Variants in EXOC6 observed in about 807,000 individuals in gnomAD.
The protein encoded by EXOC6 is SEC15-like 1.
Under a neutral mutation model 112.5 loss-of-function variants are expected in EXOC6, and 60 were observed. That is an observed-to-expected ratio of 0.53 (90% CI 0.43 to 0.66). EXOC6 has a LOEUF of 0.66. EXOC6 is among the 30% of genes least tolerant of loss of function. EXOC6 has a pLI of 0.00. For missense variants in EXOC6, 855 were observed against 957.1 expected (o/e 0.89, Z 1.41); for synonymous variants, 295 against 308.0 (o/e 0.96, Z 0.44).
chr10:92,898,795 A>G (rs979850273), intron 4 of EXOC6, among the ~76,000 whole-genome samples: 6 of 152,100 alleles, frequency 3.9e-5, no homozygotes, highest in African/African-American at 1.4e-4. Flanking sequence ...GTTTTTTGTA[A>G]ACTTGGAGAC....
intron 20 of EXOC6, among the ~76,000 whole-genome samples, chr10:93,040,165 C>G (rs904316028): frequency 6.6e-6 from 1 of 152,214 alleles, no homozygotes; most frequent in Admixed American, 6.5e-5. Context: ...TAATGAGGCT[C>G]TCATCTTCCT....
At chr10:93,015,042 C>CAGGAGTGCTAGAATAGACAGT (rs1844437446) in intron 20 of EXOC6, among the ~76,000 whole-genome samples, 1 of 151,956 alleles carries the variant, frequency 6.6e-6, no homozygotes, top group African/African-American at 2.4e-5. Context: ...TTAGAGGGCT[C>CAGGAGTGCTAGAATAGACAGT]AGGAGTGCTA....
At chr10:92,925,828 T>TA (rs1208133509) in intron 8 of EXOC6, among the ~76,000 whole-genome samples, 2 of 150,930 alleles carry the variant, frequency 1.3e-5, no homozygotes, top group Non-Finnish European at 3.0e-5. Flanking sequence ...CCTGGCTAAT[T>TA]AAAAAAAAAA....
chr10:92,935,714 A>G (rs1450098526), intron 11 of EXOC6, 100 bp from the exon 12 acceptor site: 2 of 877,634 alleles, frequency 2.3e-6, no homozygotes, highest in Admixed American at 2.4e-5. Flanking sequence ...CTGGCAGATT[A>G]AAAGAAACAT....
intron 20 of EXOC6, among the ~76,000 whole-genome samples, chr10:93,017,065 C>G (rs1844560214): frequency 6.6e-6 from 1 of 152,020 alleles, no homozygotes; most frequent in African/African-American, 2.4e-5. Context: ...ATTCACTTGC[C>G]TTGGCCTCCC....
At chr10:92,901,691 T>G (rs186031598) in intron 5 of EXOC6, 1 of 149,860 alleles carries the variant, frequency 6.7e-6, no homozygotes, top group Non-Finnish European at 1.5e-5. Flanking sequence ...TTAGTATTAA[T>G]GGTATTTAGA....
chr10:92,955,369 G>GGT lies in EXOC6; in HGVS notation c.1639-192_1639-191dup, dbSNP rs746305692. Among the ~76,000 whole-genome samples, 679 of 147,420 alleles carry GGT rather than the reference G, an allele frequency of 4.6e-3. 5 individuals are homozygous for GGT. Among genetic ancestry groups the GGT allele is most frequent in the East Asian group, 0.025 (126 of 5,030 alleles). Reference sequence around the variant, plus strand: ...TAAAATAACTGGTATTTAGACTCTTGGTGTGTGTGTGTGTGTGTGTATATA... The same window carrying GGT: ...TAAAATAACTGGTATTTAGACTCTTGGTGTGTGTGTGTGTGTGTGTGTATATA... On this transcript the variant is annotated intron_variant, in intron 16 of 21. Coordinates refer to ENST00000260762, the MANE Select transcript of EXOC6 (RefSeq NM_019053.6).
chr10:92,934,876 AT>A (rs1336529196), intron 11 of EXOC6, among the ~76,000 whole-genome samples: 3 of 152,118 alleles, frequency 2.0e-5, no homozygotes, highest in Admixed American at 2.0e-4. Flanking sequence ...AATTTGAAAT[AT>A]TGAACCTTTG....
At chr10:93,006,463 G>T (rs1843987070) in intron 19 of EXOC6, among the ~76,000 whole-genome samples, 1 of 152,116 alleles carries the variant, frequency 6.6e-6, no homozygotes, top group Non-Finnish European at 1.5e-5. Flanking sequence ...CCAAGAAATG[G>T]AGAAAACTAG....
At chr10:92,838,878 C>A (rs747722015) in intron 1 of EXOC6, among the ~76,000 whole-genome samples, 7 of 152,084 alleles carry the variant, frequency 4.6e-5, no homozygotes, top group Non-Finnish European at 1.0e-4. Flanking sequence ...TCAAGACCAG[C>A]CTGACCAACA....
At position 93,058,597 on chromosome 10, in the gene EXOC6, G is replaced by T; in HGVS notation, c.*242G>T. 6.3e-6 allele frequency: 2 copies of T among 318,388 alleles called. No individual in the cohort carries two copies. Among genetic ancestry groups the T allele is most frequent in the East Asian group, 5.7e-5 (1 of 17,634 alleles). 19.7% of individuals were successfully genotyped at this position (318,388 alleles called of 1,614,324 possible). A position where few individuals can be genotyped will look rare whatever the true frequency, so the allele number is the denominator to read the frequency against. On this transcript the variant is annotated 3_prime_UTR_variant, in exon 22 of 22. Transcript: ENST00000260762. ...CACTTTTAGGGGAAAATGCAAAAGT[G>T]TAATACATAAATTGTCACAAATTAT...
chr10:93,014,397 T>G (rs1844406409), intron 20 of EXOC6, 130 bp downstream of exon 20: 2 of 688,808 alleles, frequency 2.9e-6, no homozygotes, highest in Non-Finnish European at 5.2e-6. Flanking sequence ...AAATCCTTCC[T>G]TGGTAACTAT....
intron 18 of EXOC6, among the ~76,000 whole-genome samples, chr10:92,987,844 T>C (rs1244514705): frequency 6.6e-6 from 1 of 152,128 alleles, no homozygotes; most frequent in Non-Finnish European, 1.5e-5. Flanking sequence ...GAGACTAGAT[T>C]GTAAAAGCAC....
chr10:93,000,894 T>C (rs371248312), intron 19 of EXOC6, among the ~76,000 whole-genome samples: 1 of 152,230 alleles, frequency 6.6e-6, no homozygotes, highest in Non-Finnish European at 1.5e-5. Flanking sequence ...CTTTCAGTGA[T>C]TGATATATAA....
intron 1 of EXOC6, among the ~76,000 whole-genome samples, chr10:92,828,696 GT>G: frequency 5.1e-5 from 1 of 19,490 alleles, no homozygotes; most frequent in African/African-American, 1.9e-4. Context: ...GTGTCTGTGT[GT>G]GTGTGTGTGT....
At chr10:92,973,144 T>C (rs548739524) in intron 17 of EXOC6, among the ~76,000 whole-genome samples, 171 of 152,322 alleles carry the variant, frequency 1.1e-3, no homozygotes, top group Admixed American at 2.0e-3. Flanking sequence ...AAGACATCCC[T>C]GTAAATAGGC....
chr10:93,019,219 A>G (rs982492681), intron 20 of EXOC6, among the ~76,000 whole-genome samples: 4 of 152,160 alleles, frequency 2.6e-5, no homozygotes, highest in Non-Finnish European at 2.9e-5. Flanking sequence ...GGCTCAAGCA[A>G]TCCACCCGCC....
chr10:92,861,399 G>A (rs944362953), intron 1 of EXOC6, among the ~76,000 whole-genome samples: 65 of 152,250 alleles, frequency 4.3e-4, no homozygotes, highest in African/African-American at 1.5e-3. Flanking sequence ...CCAAAGTGAG[G>A]GCAGCTGGGT....
intron 20 of EXOC6, among the ~76,000 whole-genome samples, chr10:93,041,171 T>A (rs1055780317): frequency 6.6e-6 from 1 of 152,156 alleles, no homozygotes; most frequent in Non-Finnish European, 1.5e-5. Flanking sequence ...GTCCTAGGGA[T>A]TTTTTTCTCC....
Sources: allele counts gnomAD v4.1 joint callset (sites outside exome capture counted in the v4.1 genomes callset), GRCh38; gene constraint gnomAD v4.1.1; transcripts MANE v1.5; gene names NCBI Gene and HGNC (gene_info 2026-07-23, HGNC 2026-07-21).